The following ADARB2 variants were observed in gnomAD, a reference collection of about 807,000 sequenced individuals.
The protein encoded by ADARB2 is inactive double-stranded RNA-specific editase B2.
ADARB2 carries 25 observed loss-of-function variants against 62.2 expected under a neutral mutation model. The observed-to-expected ratio is 0.40, with a 90% CI of 0.29 to 0.56. ADARB2 has a LOEUF of 0.56. Among genes scored for constraint, ADARB2 ranks in the 20% least tolerant of loss-of-function variants. The pLI, the probability that ADARB2 is intolerant of heterozygous loss-of-function variation, is 0.43. For missense variants in ADARB2, 1,071 were observed against 1,077.4 expected, an observed-to-expected ratio of 0.99 and a Z score of 0.08; for synonymous variants, 572 against 500.8, an observed-to-expected ratio of 1.14 and a Z score of -1.90.
At position 1,240,149 on chromosome 10, in the gene ADARB2, TC is replaced by T. The variant is rs782054988; in HGVS notation, c.1361+1981del. ...CTCCCCTCTCCCTCCCGGTGTTTAC[TC>T]CCCCTCTGCCTCCCGGTGTTTACTC... On this transcript the variant is annotated intron_variant, in intron 5 of 9. Coordinates refer to ENST00000381312, the MANE Select transcript of ADARB2 (RefSeq NM_018702.4). Among the ~76,000 whole-genome samples, 2 of 2,468 alleles carry T rather than the reference TC, an allele frequency of 8.1e-4. 1 individual carries two copies. Among genetic ancestry groups the T allele is most frequent in the South Asian group, 0.031 (2 of 64 alleles). 1.6% of individuals were successfully genotyped at this position (2,468 alleles called of 152,430 possible).
intron 3 of ADARB2, among the ~76,000 whole-genome samples, chr10:1,294,867 G>A (rs537968100): frequency 6.6e-6 from 1 of 152,324 alleles, no homozygotes; most frequent in Non-Finnish European, 1.5e-5. Context: ...ATTCTCCTGG[G>A]GAGATTTAAA....
intron 3 of ADARB2, among the ~76,000 whole-genome samples, chr10:1,343,533 A>G (rs925731614): frequency 2.0e-5 from 3 of 152,246 alleles, no homozygotes; most frequent in Admixed American, 6.5e-5. Flanking sequence ...TATATACCCA[A>G]AGGAATATAA....
chr10:1,319,922 G>C (rs186569519), intron 3 of ADARB2, among the ~76,000 whole-genome samples: 1 of 152,196 alleles, frequency 6.6e-6, no homozygotes, highest in African/African-American at 2.4e-5. Flanking sequence ...ATGTGTAAAC[G>C]TTTCTAAAGT....
chr10:1,487,360 C>G (rs779388969), intron 1 of ADARB2, among the ~76,000 whole-genome samples: 14 of 152,238 alleles, frequency 9.2e-5, no homozygotes, highest in Non-Finnish European at 1.8e-4. Flanking sequence ...CACACACACA[C>G]TCACACTTCT....
At chr10:1,206,299 C>G (rs568174771) in intron 7 of ADARB2, among the ~76,000 whole-genome samples, 2 of 152,204 alleles carry the variant, frequency 1.3e-5, no homozygotes, top group Non-Finnish European at 2.9e-5. Flanking sequence ...GGGCCACGCT[C>G]TCCCACTGGG....
intron 1 of ADARB2, among the ~76,000 whole-genome samples, chr10:1,444,415 C>T (rs56081638): frequency 0.22 from 32,762 of 149,354 alleles, 4,188 homozygotes; most frequent in East Asian, 0.37. Context: ...ATCTATCCAT[C>T]CTCTATCCAT....
At chr10:1,449,070 G>T (rs1831005578) in intron 1 of ADARB2, among the ~76,000 whole-genome samples, 1 of 152,176 alleles carries the variant, frequency 6.6e-6, no homozygotes, top group Non-Finnish European at 1.5e-5. Context: ...AGAATGAATG[G>T]TTGCGGTCAC....
intron 3 of ADARB2, among the ~76,000 whole-genome samples, chr10:1,274,999 G>A (rs1831300557): frequency 6.6e-6 from 1 of 152,212 alleles, no homozygotes; most frequent in Non-Finnish European, 1.5e-5. Flanking sequence ...GGCCCGTGGT[G>A]GAGCCTGGCC....
At chr10:1,637,967 T>C (rs1190040046) in intron 1 of ADARB2, among the ~76,000 whole-genome samples, 4 of 152,192 alleles carry the variant, frequency 2.6e-5, no homozygotes, top group African/African-American at 9.7e-5. Context: ...AATGAACAGT[T>C]GGAGCTGCTT....
intron 1 of ADARB2, among the ~76,000 whole-genome samples, chr10:1,652,235 G>A (rs1834119504): frequency 1.3e-5 from 2 of 152,220 alleles, no homozygotes; most frequent in East Asian, 1.9e-4. Context: ...AGCTCAGCAT[G>A]GCTGCCCAGT....
chr10:1,440,514 T>C (rs2131895411), intron 1 of ADARB2, among the ~76,000 whole-genome samples: 1 of 152,116 alleles, frequency 6.6e-6, no homozygotes, highest in South Asian at 2.1e-4. Flanking sequence ...ACCCCCACAT[T>C]GTGACAAAAT....
At chr10:1,460,281 T>C (rs879398774) in intron 1 of ADARB2, among the ~76,000 whole-genome samples, 14 of 23,770 alleles carry the variant, frequency 5.9e-4, no homozygotes, top group Admixed American at 1.9e-3. Flanking sequence ...AGTTTACCTG[T>C]GTAACGAACC....
intron 1 of ADARB2, among the ~76,000 whole-genome samples, chr10:1,598,087 T>C (rs1160007086): frequency 6.6e-6 from 1 of 152,192 alleles, no homozygotes; most frequent in Non-Finnish European, 1.5e-5. Flanking sequence ...ATGGATACAC[T>C]GAGTGGAAAA....
At chr10:1,543,299 C>G (rs575365194) in intron 1 of ADARB2, among the ~76,000 whole-genome samples, 14 of 152,324 alleles carry the variant, frequency 9.2e-5, no homozygotes, top group African/African-American at 3.4e-4. Flanking sequence ...CTGTGAAGGG[C>G]GTCCTCCAGG....
Position 1,732,330 on chromosome 10 carries a change from A to AAT in ADARB2, c.100+4720_100+4721insAT, listed in dbSNP as rs1554739401. ...TTCATGCCTCAAAAAAAAAAAAAAA[A>AAT]TTTCCTTTTCTATGTTTCCTTACGT... On this transcript the variant is annotated intron_variant, in intron 1 of 9. Coordinates refer to ENST00000381312, the MANE Select transcript of ADARB2 (RefSeq NM_018702.4). 2.0e-5 allele frequency among the ~76,000 whole-genome samples: 3 copies of AAT among 147,848 alleles called. No individual in the cohort carries two copies. In the East Asian group the frequency reaches 5.8e-4, roughly 29 times the overall value.
intron 1 of ADARB2, among the ~76,000 whole-genome samples, chr10:1,498,727 T>C (rs1049148937): frequency 6.6e-6 from 1 of 152,220 alleles, no homozygotes; most frequent in Non-Finnish European, 1.5e-5. Flanking sequence ...TACAGACATA[T>C]ACTTTTGTAT....
intron 3 of ADARB2, among the ~76,000 whole-genome samples, chr10:1,358,568 G>A (rs938608286): frequency 1.4e-4 from 21 of 152,196 alleles, no homozygotes; most frequent in African/African-American, 4.3e-4. Flanking sequence ...AAGTCTTTAC[G>A]CAAATATAAA....
chr10:1,565,427 C>T (rs549047188), intron 1 of ADARB2, among the ~76,000 whole-genome samples: 183 of 152,192 alleles, frequency 1.2e-3, no homozygotes, highest in African/African-American at 4.2e-3. Flanking sequence ...CTGTCTTCTC[C>T]GGTGCTGTCT....
intron 3 of ADARB2, among the ~76,000 whole-genome samples, chr10:1,318,893 G>T (rs553254412): frequency 6.6e-6 from 1 of 152,322 alleles, no homozygotes; most frequent in African/African-American, 2.4e-5. Flanking sequence ...ACAGGCATCT[G>T]TTCCAGCAGA....
Sources: allele counts gnomAD v4.1 joint callset (sites outside exome capture counted in the v4.1 genomes callset), GRCh38; gene constraint gnomAD v4.1.1; transcripts MANE v1.5; gene names NCBI Gene and HGNC (gene_info 2026-07-23, HGNC 2026-07-21).